The following LCK variants were observed in gnomAD, a reference collection of about 807,000 sequenced individuals.
The protein encoded by LCK is tyrosine-protein kinase Lck.
A neutral mutation model predicts 64.6 loss-of-function variants in LCK; 14 were observed. The ratio of observed to expected loss-of-function variants is 0.22; its 90% CI spans 0.14 to 0.34. The LOEUF is 0.34. LCK is among the 10% of genes least tolerant of loss of function. The pLI is 1.00. For synonymous variants in LCK, 277 were observed against 263.6 expected (o/e 1.05, Z -0.49); for missense variants, 434 against 668.1 (o/e 0.65, Z 3.86).
intron 12 of LCK, among the ~76,000 whole-genome samples, chr1:32,282,076 A>G (rs1640478519): frequency 6.6e-6 from 1 of 152,136 alleles, no homozygotes; most frequent in African/African-American, 2.4e-5. Flanking sequence ...TTTCAAAACA[A>G]AAACAAAAAC....
rs1391115077 is a variant in LCK at position 32,286,127 on chromosome 1, C to T, written c.*411C>T. 2 of 289,674 alleles carry T rather than the reference C, an allele frequency of 6.9e-6. No individual in the cohort carries two copies. Among genetic ancestry groups the T allele is most frequent in the East Asian group, 4.8e-5 (1 of 20,766 alleles). The allele number at this position is 289,674 out of a possible 1,614,324, so 17.9% of individuals were successfully genotyped here. ...CCTCCTTGGTGCCTGGCCTGGCACA[C>T]ATCAGGAGTTCAATAAATGTCTGTT... On this transcript the variant is annotated 3_prime_UTR_variant, in exon 13 of 13. Transcript: ENST00000336890.
At chr1:32,274,665 C>G (rs982592951) in intron 2 of LCK, 72 bp from the exon 3 acceptor site, 1 of 1,258,634 alleles carries the variant, frequency 7.9e-7, no homozygotes, top group Non-Finnish European at 1.1e-6. Flanking sequence ...GAGAGCAGAG[C>G]AGGGGGGAAG....
Position 32,275,419 on chromosome 1 carries a change from C to T in LCK, c.377C>T (p.Pro126Leu), listed in dbSNP as rs773364948. ...VAKANSLEPE[P>L]WFFKNLSRKD... is the part of the protein sequence containing the mutation. ...AAAGCGAACAGCCTGGAGCCCGAAC[C>T]GTAAGTGGGGACCCGTCGTGGGGGT... Residue 126 changes from proline to leucine, a missense_variant and splice_region_variant, in exon 5 of 13, where the codon CCC becomes CTC. Coordinates refer to ENST00000336890, the MANE Select transcript of LCK (RefSeq NM_005356.5). The surrounding 1 kb of genome is among the most constrained non-coding windows in gnomAD (Gnocchi z 6.9). The T allele has an allele frequency of 5.6e-6, 9 of 1,613,972 alleles. No homozygotes were observed. The highest frequency in any genetic ancestry group is 7.6e-6 in the Non-Finnish European group (9 of 1,179,908).
chr1:32,262,704 G>A (rs1047131909), intron 1 of LCK, among the ~76,000 whole-genome samples: 32 of 151,772 alleles, frequency 2.1e-4, no homozygotes, highest in African/African-American at 6.8e-4. Flanking sequence ...GATTACAGGC[G>A]TGAGTCACCA....
At chr1:32,252,457 C>A (rs1387890130) in intron 1 of LCK, among the ~76,000 whole-genome samples, 1 of 152,210 alleles carries the variant, frequency 6.6e-6, no homozygotes, top group African/African-American at 2.4e-5. Context: ...TCCCCTGCTT[C>A]GTTGGAGTTT....
At chr1:32,260,951 C>T (rs1047760706) in intron 1 of LCK, among the ~76,000 whole-genome samples, 2 of 152,036 alleles carry the variant, frequency 1.3e-5, no homozygotes, top group Non-Finnish European at 1.5e-5. Flanking sequence ...AAAGCATTGG[C>T]CCAAGAAACT....
In LCK at chr1:32,276,482, G is replaced by A; in HGVS notation, c.777G>A (p.Val259=). 6.2e-7 allele frequency: 1 copy of A among 1,608,872 alleles called. No individual in the cohort carries two copies. Among genetic ancestry groups the A allele is most frequent in the Non-Finnish European group, 8.5e-7 (1 of 1,177,532 alleles). The part of the protein sequence containing the change: ...ERLGAGQFGE[V]WMGYYNGHTK... ...TGGGGGCTGGACAGTTCGGGGAGGT[G>A]TGGATGGGTGAGTGTGGCCTCCAGG... The change falls in exon 8 of 13, where the codon GTG becomes GTA. Residue 259 remains valine (V), a synonymous_variant. Coordinates refer to ENST00000336890, the MANE Select transcript of LCK (RefSeq NM_005356.5). This position sits in a 1 kb window ranked among gnomAD's most constrained non-coding sequence, Gnocchi z 4.6.
Position 32,273,279 on chromosome 1 carries a change from A to AGT in LCK, c.-5-1037_-5-1036dup, listed in dbSNP as rs981588873. Among the ~76,000 whole-genome samples, 5 of 136,414 alleles carry AGT rather than the reference A, an allele frequency of 3.7e-5. No individual in the cohort carries two copies. The South Asian group carries it at 1.2e-3, about 32-fold the overall frequency. 89.5% of individuals were successfully genotyped at this position (136,414 alleles called of 152,430 possible). A position where few individuals can be genotyped will look rare whatever the true frequency, so the allele number is the denominator to read the frequency against. ...TGTGGGGGAGTACCTGTGAGGGGTG[A>AGT]GTGTGTGTGTTTATGTGAAAGTGTG... On this transcript the variant is annotated intron_variant, in intron 1 of 12. Coordinates refer to ENST00000336890, the MANE Select transcript of LCK (RefSeq NM_005356.5).
Position 32,276,859 on chromosome 1 carries a change from C to T in LCK, c.964+73C>T. 2.2e-6 allele frequency: 3 copies of T among 1,384,838 alleles called. No individual in the cohort carries two copies. Among genetic ancestry groups the T allele is most frequent in the Admixed American group, 5.0e-5 (2 of 39,712 alleles). 85.8% of individuals were successfully genotyped at this position (1,384,838 alleles called of 1,614,324 possible). A position where few individuals can be genotyped will look rare whatever the true frequency, so the allele number is the denominator to read the frequency against. Reference sequence around the variant, plus strand: ...GTCCCTGCCAGAGGGTGGAAATACACCTTTTCTTCTGGCCCAAAGCTCAAG... The same window carrying T: ...GTCCCTGCCAGAGGGTGGAAATACATCTTTTCTTCTGGCCCAAAGCTCAAG... On this transcript the variant is annotated intron_variant, in intron 9 of 12. Transcript: ENST00000336890. The surrounding 1 kb of genome is among the most constrained non-coding windows in gnomAD (Gnocchi z 4.6).
Position 32,263,911 on chromosome 1 carries a change from T to C in LCK, c.-5-10414T>C, listed in dbSNP as rs530072437. Among the ~76,000 whole-genome samples the C allele has an allele frequency of 5.9e-5, 9 of 151,414 alleles. No homozygotes were observed. The East Asian group carries it at 1.6e-3, about 26-fold the overall frequency. On this transcript the variant is annotated intron_variant, in intron 1 of 12. Coordinates refer to ENST00000336890, the MANE Select transcript of LCK (RefSeq NM_005356.5). The stretch of plus-strand genomic sequence containing the variant: ...CAGCCTGTGCGACAGAGCAAGACCC[T>C]GTTTAAAAAAAAAAAAAGAAGAAGA...
rs756217211 is a variant in LCK at position 32,279,933 on chromosome 1, C to T, written c.1134C>T (p.Cys378=). The change falls in exon 11 of 13, where the codon TGC becomes TGT. Residue 378 remains cysteine (C), a synonymous_variant. Transcript: ENST00000336890. ...ANILVSDTLS[C]KIADFGLARL... is the part of the protein sequence containing the mutation. Reference sequence around the variant, plus strand: ...TTCTGGTGTCTGACACCCTGAGCTGCAAGATTGCAGACTTTGGCCTAGCAC... The same window carrying T: ...TTCTGGTGTCTGACACCCTGAGCTGTAAGATTGCAGACTTTGGCCTAGCAC... 17 of 1,614,192 alleles carry T rather than the reference C, an allele frequency of 1.1e-5. No homozygotes were observed. In the South Asian group the frequency reaches 1.9e-4, roughly 18 times the overall value.
At chr1:32,284,251 G>GATATATATATATATATATATCTGTGAGAT (rs1640548016) in intron 12 of LCK, among the ~76,000 whole-genome samples, 5 of 138,522 alleles carry the variant, frequency 3.6e-5, no homozygotes, top group Admixed American at 3.0e-4. Context: ...TGCTTTCTGT[G>GATATATATATATATATATATCTGTGAGAT]ATATATATAT....
At chr1:32,256,874 C>T (rs911968281) in intron 1 of LCK, among the ~76,000 whole-genome samples, 19 of 152,194 alleles carry the variant, frequency 1.2e-4, no homozygotes, top group East Asian at 5.8e-4. Context: ...TTTTAGTGTG[C>T]GCTGTTGTTT....
chr1:32,271,058 T>A (rs1244803530), intron 1 of LCK, among the ~76,000 whole-genome samples: 1 of 146,540 alleles, frequency 6.8e-6, no homozygotes, highest in South Asian at 2.2e-4. Flanking sequence ...TGGAGTGCAG[T>A]GGCACAATCG....
rs543865630 is a variant in LCK, at chr1:32,277,509, C to T, written c.964+723C>T. Among the ~76,000 whole-genome samples the T allele has an allele frequency of 5.3e-5, 8 of 152,202 alleles. No individual in the cohort carries two copies. In the East Asian group the frequency reaches 1.5e-3, roughly 29 times the overall value. On this transcript the variant is annotated intron_variant, in intron 9 of 12. Coordinates refer to ENST00000336890, the MANE Select transcript of LCK (RefSeq NM_005356.5). ...TCTTTTTCAGTTCTGAGTGAGACCC[C>T]CACCCCTGCACCCCTCTTGGTCTGT...
At chr1:32,253,851 A>C (rs1404261687) in intron 1 of LCK, among the ~76,000 whole-genome samples, 1 of 100,460 alleles carries the variant, frequency 1.0e-5, no homozygotes, top group Non-Finnish European at 2.0e-5. Context: ...CCACACACAG[A>C]CACACACACA....
In LCK at chr1:32,276,882, A is replaced by C; in HGVS notation, c.964+96A>C. 98 of 1,283,888 alleles carry C rather than the reference A, an allele frequency of 7.6e-5. No individual in the cohort carries two copies. The highest frequency in any genetic ancestry group is 9.5e-5 in the Non-Finnish European group (91 of 962,490). The allele number at this position is 1,283,888 out of a possible 1,614,324, so 79.5% of individuals were successfully genotyped here. On this transcript the variant is annotated intron_variant, in intron 9 of 12. Transcript: ENST00000336890. The surrounding 1 kb of genome is among the most constrained non-coding windows in gnomAD (Gnocchi z 4.6). ...CACCTTTTCTTCTGGCCCAAAGCTC[A>C]AGCAAGGAGGGTTTCTTGAGCTTTC...
intron 1 of LCK, among the ~76,000 whole-genome samples, chr1:32,264,547 T>C (rs1297447259): frequency 6.6e-6 from 1 of 151,920 alleles, no homozygotes; most frequent in Non-Finnish European, 1.5e-5. Context: ...GAACCCTCAG[T>C]GTATTATTGG....
chr1:32,259,241 A>T (rs115834752), intron 1 of LCK, among the ~76,000 whole-genome samples: 1,548 of 151,106 alleles, frequency 0.01, 28 homozygotes, highest in African/African-American at 0.036. Context: ...TACAAAAATT[A>T]AAAAAATACA....
Sources: allele counts gnomAD v4.1 joint callset (sites outside exome capture counted in the v4.1 genomes callset), GRCh38; gene constraint gnomAD v4.1.1; non-coding constraint Gnocchi (gnomAD v3.1); transcripts MANE v1.5; gene names NCBI Gene and HGNC (gene_info 2026-07-23, HGNC 2026-07-21).